Variants in FHL3 observed in about 807,000 individuals in gnomAD.
FHL3 encodes four and a half LIM domains 3, also known as four and a half LIM domains protein 3.
A neutral mutation model predicts 34.3 loss-of-function variants in FHL3; 21 were observed. The observed-to-expected ratio is 0.61, with a 90% CI of 0.43 to 0.88. The LOEUF (loss-of-function observed/expected upper bound fraction) is 0.88, where lower values mean the gene tolerates loss of function less well. FHL3 is among the 40% of genes least tolerant of loss of function. FHL3 has a pLI of 0.00. For synonymous variants in FHL3, 137 were observed against 144.6 expected (o/e 0.95, Z 0.38); for missense variants, 333 against 373.7 (o/e 0.89, Z 0.90).
chr1:37,998,517 C>CA (rs1646559341), intron 3 of FHL3, among the ~76,000 whole-genome samples: 2 of 152,248 alleles, frequency 1.3e-5, no homozygotes, highest in South Asian at 4.1e-4. Flanking sequence ...TCTGCCCACA[C>CA]AAAGTTCTAA....
chr1:38,004,797 T>TGACG (rs1294998549), intron 1 of FHL3, among the ~76,000 whole-genome samples: 2 of 152,174 alleles, frequency 1.3e-5, no homozygotes, highest in Non-Finnish European at 2.9e-5. Flanking sequence ...ATGAGGCCAA[T>TGACG]GACGCCCAAG....
Position 37,997,365 on chromosome 1 carries a change from G to A in FHL3, c.*40C>T. 1.9e-6 allele frequency: 3 copies of A among 1,599,270 alleles called. No homozygotes were observed. Among genetic ancestry groups the A allele is most frequent in the Non-Finnish European group, 2.6e-6 (3 of 1,174,064 alleles). ...GTTTAGAAAAGGAGCCACAGTCCTG[G>A]GCCCGTGGTATGGGAAAGCCTGGGT... On this transcript the variant is annotated 3_prime_UTR_variant, in exon 6 of 6. Transcript: ENST00000373016. The surrounding 1 kb of genome is among the most constrained non-coding windows in gnomAD (Gnocchi z 4.3).
chr1:37,998,455 G>A (rs1646558331), intron 3 of FHL3, among the ~76,000 whole-genome samples: 1 of 152,100 alleles, frequency 6.6e-6, no homozygotes, highest in Non-Finnish European at 1.5e-5. Context: ...TATAACAGAT[G>A]TGATGATTTT....
rs373264480 is a variant in FHL3 at position 37,999,008 on chromosome 1, C to A, written c.297G>T (p.Ser99=). 8.1e-6 allele frequency: 13 copies of A among 1,614,098 alleles called. No homozygotes were observed. Among genetic ancestry groups the A allele is most frequent in the South Asian group, 7.7e-5 (7 of 91,088 alleles). ...CNDCYCSAFS[S]QCSACGETVM... is the part of the protein sequence containing the mutation. ...CAGTCTCCCCACAAGCGGAGCACTG[C>A]GAGGAAAACGCACTGCAGTAGCAGT... The change falls in exon 3 of 6, where the codon TCG becomes TCT. Residue 99 remains serine (S), a synonymous_variant. Transcript: ENST00000373016.
At position 37,997,832 on chromosome 1, in the gene FHL3, C is replaced by T. The variant is rs7366048; in HGVS notation, c.540G>A (p.Pro180=). 701,697 of 1,613,766 alleles carry T rather than the reference C, an allele frequency of 0.43. 157,238 individuals are homozygous for T. Among genetic ancestry groups the T allele is most frequent in the African/African-American group, 0.65 (48,608 of 74,914 alleles). ...TQGGVTYRDQ[P]WHRECLVCTG... is the part of the protein sequence containing the mutation. ...TACAGACCAGACATTCTCGATGCCA[C>T]GGCTGATCACGGTATGTCACTCCAC... Residue 180 remains proline, a synonymous_variant, in exon 5 of 6, where the codon CCG becomes CCA. Transcript: ENST00000373016. The surrounding 1 kb of genome is among the most constrained non-coding windows in gnomAD (Gnocchi z 4.3).
At chr1:38,004,313 C>A (rs1199833114) in intron 1 of FHL3, among the ~76,000 whole-genome samples, 1 of 152,020 alleles carries the variant, frequency 6.6e-6, no homozygotes, top group Non-Finnish European at 1.5e-5. Flanking sequence ...TGTGTGTGTG[C>A]GTGGGGCTCT....
chr1:37,998,796 G>A, intron 3 of FHL3, 178 bp downstream of exon 3: 2 of 633,062 alleles, frequency 3.2e-6, no homozygotes, highest in Non-Finnish European at 5.5e-6. Context: ...CAATCTGCCT[G>A]TACATAGTAG....
rs746022826 is a variant in FHL3, at chr1:37,997,525, G to A, written c.723C>T (p.Asp241=). The A allele has an allele frequency of 1.5e-5, 24 of 1,613,900 alleles. No individual in the cohort carries two copies. The highest frequency in any genetic ancestry group is 1.7e-4 in the Middle Eastern group (1 of 6,058). The change falls in exon 6 of 6, where the codon GAC becomes GAT. Residue 241 remains aspartate (D), a synonymous_variant. Transcript: ENST00000373016. The surrounding 1 kb of genome is among the most constrained non-coding windows in gnomAD (Gnocchi z 4.3). ...LGGGKYVSFE[D]RHWHHNCFSC... ...AGAAGCAGTTGTGGTGCCAGTGTCG[G>A]TCTTCAAAGGACACATACTTGCCTC...
intron 1 of FHL3, among the ~76,000 whole-genome samples, chr1:38,000,733 T>C (rs1020672050): frequency 6.6e-6 from 1 of 152,080 alleles, no homozygotes; most frequent in Non-Finnish European, 1.5e-5. Context: ...GATTCCAGTC[T>C]CTAGCCCCAA....
Position 37,998,996 on chromosome 1 carries a change from A to C in FHL3, c.309T>G (p.Ala103=), listed in dbSNP as rs143218143. Residue 103 remains alanine (A), a synonymous_variant, in exon 3 of 6, where the codon GCT becomes GCG. Transcript: ENST00000373016. ...YCSAFSSQCS[A]CGETVMPGSR... is the part of the protein sequence containing the mutation. ...TACCAGGCATGACAGTCTCCCCACA[A>C]GCGGAGCACTGCGAGGAAAACGCAC... 3 of 1,614,194 alleles carry C rather than the reference A, an allele frequency of 1.9e-6. No individual in the cohort carries two copies. Among genetic ancestry groups the C allele is most frequent in the Admixed American group, 3.3e-5 (2 of 60,030 alleles).
chr1:37,998,805 A>G, intron 3 of FHL3, 169 bp downstream of exon 3: 1 of 651,020 alleles, frequency 1.5e-6, no homozygotes. Flanking sequence ...TGTACATAGT[A>G]GCCCCCAGGA....
chr1:38,004,344 T>C (rs1646623251), intron 1 of FHL3, among the ~76,000 whole-genome samples: 1 of 152,062 alleles, frequency 6.6e-6, no homozygotes, highest in African/African-American at 2.4e-5. Context: ...GAACTTACTG[T>C]CTCAGGGCCT....
chr1:37,997,273 G>A lies in FHL3; in HGVS notation c.*132C>T. 1.1e-6 allele frequency: 1 copy of A among 948,902 alleles called. No individual in the cohort carries two copies. The highest frequency in any genetic ancestry group is 2.4e-5 in the East Asian group (1 of 41,576). The allele number at this position is 948,902 out of a possible 1,614,324, so 58.8% of individuals were successfully genotyped here. A position where few individuals can be genotyped will look rare whatever the true frequency, so the allele number is the denominator to read the frequency against. The stretch of plus-strand genomic sequence containing the variant: ...TACCAGTTTGGGGATGCTGGAGTGG[G>A]GAGACAATCCTGGAGCCCAGAAGGA... On this transcript the variant is annotated 3_prime_UTR_variant, in exon 6 of 6. Coordinates refer to ENST00000373016, the MANE Select transcript of FHL3 (RefSeq NM_004468.5). The surrounding 1 kb of genome is among the most constrained non-coding windows in gnomAD (Gnocchi z 4.3).
rs762663278 is a variant in FHL3 at position 37,997,955 on chromosome 1, G to T, written c.501+8C>A. 7 of 1,613,594 alleles carry T rather than the reference G, an allele frequency of 4.3e-6. No individual in the cohort carries two copies. In the Admixed American group the frequency reaches 1.2e-4, roughly 27 times the overall value. Reference sequence around the variant, plus strand: ...CACTCACCCCCACCTGGCTGGCCCAGCCCCCACCTTGCTGCAGCGGGCGCA... The same window carrying T: ...CACTCACCCCCACCTGGCTGGCCCATCCCCCACCTTGCTGCAGCGGGCGCA... On this transcript the variant is annotated splice_region_variant and intron_variant, in intron 4 of 5. Transcript: ENST00000373016. This position sits in a 1 kb window ranked among gnomAD's most constrained non-coding sequence, Gnocchi z 4.3.
rs1270710266 is a variant in FHL3, at chr1:37,998,105, T to C, written c.359A>G (p.Gln120Arg). ...CAGGAAGCAGTGCTCATGCCATGTCTGGCCTCCATATTCCAGCTTCCGGGA... is the reference window on the plus strand; with the variant it reads ...CAGGAAGCAGTGCTCATGCCATGTCCGGCCTCCATATTCCAGCTTCCGGGA... ...PGSRKLEYGG[Q>R]TWHEHCFLCS... The change falls in exon 4 of 6, where the codon CAG (glutamine) becomes CGG (arginine). Residue 120 changes from glutamine to arginine, a missense_variant. Physicochemically the swap from Gln to Arg is conservative, Grantham distance 43. Transcript: ENST00000373016. 2 of 1,613,946 alleles carry C rather than the reference T, an allele frequency of 1.2e-6. No individual in the cohort carries two copies. The highest frequency in any genetic ancestry group is 1.7e-6 in the Non-Finnish European group (2 of 1,179,974).
chr1:37,998,721 T>A (rs1338171893), intron 3 of FHL3: 1 of 517,904 alleles, frequency 1.9e-6, no homozygotes, highest in East Asian at 3.3e-5. Context: ...CACCTCTAGT[T>A]CCTACCTGTA....
intron 1 of FHL3, 95 bp from the exon 2 acceptor site, chr1:37,999,527 AC>A: frequency 8.2e-7 from 1 of 1,214,434 alleles, no homozygotes. Context: ...CAGCCAAGAG[AC>A]CCGGCATAGG....
chr1:37,997,574 G>A lies in FHL3; in HGVS notation c.689-15C>T. 1 of 1,613,648 alleles carries A rather than the reference G, an allele frequency of 6.2e-7. No individual in the cohort carries two copies. Among genetic ancestry groups the A allele is most frequent in the South Asian group, 1.1e-5 (1 of 91,050 alleles). On this transcript the variant is annotated splice_polypyrimidine_tract_variant and intron_variant, in intron 5 of 5. Transcript: ENST00000373016. This position sits in a 1 kb window ranked among gnomAD's most constrained non-coding sequence, Gnocchi z 4.3. ...TCCACCGAGTCCTGGAGGGAGGCTGGAAGTTAGCTATGCAGATGTGGGGAT... is the reference window on the plus strand; with the variant it reads ...TCCACCGAGTCCTGGAGGGAGGCTGAAAGTTAGCTATGCAGATGTGGGGAT...
chr1:38,004,689 G>A (rs1483894953), intron 1 of FHL3, among the ~76,000 whole-genome samples: 1 of 152,032 alleles, frequency 6.6e-6, no homozygotes, highest in Non-Finnish European at 1.5e-5. Flanking sequence ...CCCTTTCTCT[G>A]TCTCTGCATC....
Sources: gnomAD v4.1 joint callset for allele counts (sites outside exome capture counted in the v4.1 genomes callset) on GRCh38, gnomAD v4.1.1 for gene constraint, Gnocchi (gnomAD v3.1) non-coding constraint, MANE v1.5 for transcripts, NCBI Gene and HGNC (gene_info 2026-07-23, HGNC 2026-07-21) for gene names.